NEO1: variants seen among roughly 807,000 people sequenced by gnomAD.
NEO1 encodes the protein neogenin 1.
A neutral mutation model predicts 159.7 loss-of-function variants in NEO1; 63 were observed. The observed-to-expected ratio is 0.39, with a 90% CI of 0.32 to 0.49. The LOEUF (loss-of-function observed/expected upper bound fraction) is 0.49, where lower values mean the gene tolerates loss of function less well. Among genes scored for constraint, NEO1 ranks in the 20% least tolerant of loss-of-function variants. The probability of loss-of-function intolerance (pLI) is 0.85; values close to 1 mark genes in which losing one functional copy is unlikely to be tolerated. For synonymous variants in NEO1, 633 were observed against 662.0 expected (o/e 0.96, Z 0.67); for missense variants, 1,615 against 1,831.0 (o/e 0.88, Z 2.15).
At chr15:73,175,472 G>T (rs2035228031) in intron 5 of NEO1, among the ~76,000 whole-genome samples, 1 of 152,184 alleles carries the variant, frequency 6.6e-6, no homozygotes, top group African/African-American at 2.4e-5. Context: ...GGGAAAAGAA[G>T]ACAATATTTT....
chr15:73,228,243 T>C (rs2038703087), intron 7 of NEO1, among the ~76,000 whole-genome samples: 1 of 152,166 alleles, frequency 6.6e-6, no homozygotes, highest in Non-Finnish European at 1.5e-5. Context: ...TAAAAACCTT[T>C]GTTTCTTAGA....
chr15:73,269,364 G>GT (rs1285217220), intron 16 of NEO1, among the ~76,000 whole-genome samples: 1 of 152,066 alleles, frequency 6.6e-6, no homozygotes, highest in African/African-American at 2.4e-5. Context: ...TGGTTTTGGG[G>GT]TTTTTTTGTT....
intron 5 of NEO1, among the ~76,000 whole-genome samples, chr15:73,138,207 C>G (rs1033316215): frequency 6.6e-6 from 1 of 152,016 alleles, no homozygotes; most frequent in African/African-American, 2.4e-5. Flanking sequence ...AGATCACCTA[C>G]AAAAGAAAAA....
chr15:73,202,550 G>C (rs191896700), intron 7 of NEO1, among the ~76,000 whole-genome samples: 1 of 151,982 alleles, frequency 6.6e-6, no homozygotes, highest in African/African-American at 2.4e-5. Context: ...TGATTCTTTC[G>C]TTCTAGCTAT....
chr15:73,122,887 T>C, intron 3 of NEO1, 87 bp downstream of exon 3: 1 of 1,518,292 alleles, frequency 6.6e-7, no homozygotes, highest in Non-Finnish European at 8.9e-7. Flanking sequence ...TAATGAATGT[T>C]GGCCGGGCGC....
chr15:73,122,606 C>G lies in NEO1; in HGVS notation c.530C>G (p.Ala177Gly), dbSNP rs751660677. ...GCAATTCTGAATTGTGAAGTTAATG[C>G]AGATTTGGTCCCATTTGTGAGGTGG... Reference protein sequence around the residue: ...NNAILNCEVNADLVPFVRWEQ... With the variant: ...NNAILNCEVNGDLVPFVRWEQ... Residue 177 changes from alanine to glycine, a missense_variant, in exon 3 of 29, where the codon GCA becomes GGA. Transcript: ENST00000261908. The G allele has an allele frequency of 2.5e-5, 40 of 1,614,018 alleles. No individual in the cohort carries two copies. Among genetic ancestry groups the G allele is most frequent in the Non-Finnish European group, 3.3e-5 (39 of 1,180,002 alleles).
At chr15:73,200,519 T>A (rs1596325927) in intron 7 of NEO1, among the ~76,000 whole-genome samples, 1 of 128,154 alleles carries the variant, frequency 7.8e-6, no homozygotes, top group Non-Finnish European at 1.6e-5. Context: ...GGAAAGGGAG[T>A]CTCTAGAGAG....
chr15:73,240,764 T>A (rs2039451290), intron 8 of NEO1, among the ~76,000 whole-genome samples: 1 of 152,162 alleles, frequency 6.6e-6, no homozygotes, highest in African/African-American at 2.4e-5. Flanking sequence ...TAGGACAAAT[T>A]TGGGAAATAT....
chr15:73,102,172 C>T (rs1595986064), intron 1 of NEO1, among the ~76,000 whole-genome samples: 1 of 152,082 alleles, frequency 6.6e-6, no homozygotes. Flanking sequence ...TCAAGACCAG[C>T]CTGGCCAATA....
At position 73,249,222 on chromosome 15, in the gene NEO1, C is replaced by G. The variant is rs1301762158; in HGVS notation, c.1755+14C>G. ...GATAAAGAACAGGTATGAAGTGAAG[C>G]AACTTTTCAAACCATTGATTGGAAT... On this transcript the variant is annotated intron_variant, in intron 10 of 28. Coordinates refer to ENST00000261908, the MANE Select transcript of NEO1 (RefSeq NM_002499.4). The G allele has an allele frequency of 1.2e-6, 2 of 1,612,526 alleles. No individual in the cohort carries two copies. Among genetic ancestry groups the G allele is most frequent in the Admixed American group, 3.3e-5 (2 of 59,888 alleles).
At chr15:73,245,992 A>G (rs2039775104) in intron 9 of NEO1, among the ~76,000 whole-genome samples, 2 of 152,150 alleles carry the variant, frequency 1.3e-5, no homozygotes, top group Admixed American at 6.5e-5. Flanking sequence ...TATTTTAGAT[A>G]TATTTGTAGA....
chr15:73,232,770 A>G (rs1464880255), intron 7 of NEO1, among the ~76,000 whole-genome samples: 2 of 152,000 alleles, frequency 1.3e-5, no homozygotes, highest in African/African-American at 4.8e-5. Flanking sequence ...GGCCCTTCCT[A>G]TTCACTTGCC....
intron 5 of NEO1, among the ~76,000 whole-genome samples, chr15:73,149,079 G>C (rs1474811763): frequency 6.6e-6 from 1 of 151,938 alleles, no homozygotes; most frequent in Non-Finnish European, 1.5e-5. Context: ...CACTTTGCAA[G>C]GCCGAGGCGA....
chr15:73,213,039 C>G (rs2152094669), intron 7 of NEO1, among the ~76,000 whole-genome samples: 1 of 152,202 alleles, frequency 6.6e-6, no homozygotes, highest in Admixed American at 6.5e-5. Flanking sequence ...AAAAGGGAAC[C>G]ATAATCTTTG....
chr15:73,211,262 T>C (rs578051673), intron 7 of NEO1, among the ~76,000 whole-genome samples: 2 of 152,312 alleles, frequency 1.3e-5, no homozygotes, highest in South Asian at 4.1e-4. Flanking sequence ...CCATGATCCC[T>C]AAGACTAAGG....
intron 5 of NEO1, among the ~76,000 whole-genome samples, chr15:73,150,900 GTGTT>G (rs2033315469): frequency 6.6e-6 from 1 of 152,138 alleles, no homozygotes; most frequent in African/African-American, 2.4e-5. Flanking sequence ...CATGTTGTCT[GTGTT>G]TGTTTGTTTA....
At position 73,227,579 on chromosome 15, in the gene NEO1, A is replaced by G. The variant is rs1391682560; in HGVS notation, c.1292-8768A>G. Among the ~76,000 whole-genome samples the G allele has an allele frequency of 2.0e-5, 3 of 152,060 alleles. No individual in the cohort carries two copies. The East Asian group carries it at 5.8e-4, about 29-fold the overall frequency. ...AACAATTCAATTTCTGCTACTTACA[A>G]CCCTGTGCAGGCCCTTAGGTTTCAG... On this transcript the variant is annotated intron_variant, in intron 7 of 28. Transcript: ENST00000261908.
rs779777834 is a variant in NEO1 at position 73,258,776 on chromosome 15, G to C, written c.2103G>C (p.Arg701=). 146 of 1,613,590 alleles carry C rather than the reference G, an allele frequency of 9.0e-5. No homozygotes were observed. The highest frequency in any genetic ancestry group is 4.5e-5 in the East Asian group (2 of 44,888). The change falls in exon 14 of 29, where the codon CGG becomes CGC. Residue 701 remains arginine, a synonymous_variant. Transcript: ENST00000261908. ...QLSQLIEGLD[R]GTEYNFRVAA... Reference sequence around the variant, plus strand: ...GTCATTTGGTCTCAGGTCTTGATCGGGGGACTGAGTATAATTTCCGAGTGG... The same window carrying C: ...GTCATTTGGTCTCAGGTCTTGATCGCGGGACTGAGTATAATTTCCGAGTGG...
chr15:73,115,080 C>G (rs967472693), intron 1 of NEO1, among the ~76,000 whole-genome samples: 1 of 151,830 alleles, frequency 6.6e-6, no homozygotes, highest in Non-Finnish European at 1.5e-5. Flanking sequence ...GAGTCTGGCT[C>G]TTGCCAGGCT....
Sources: gnomAD v4.1 joint callset for allele counts (sites outside exome capture counted in the v4.1 genomes callset) on GRCh38, gnomAD v4.1.1 for gene constraint, MANE v1.5 for transcripts, NCBI Gene and HGNC (gene_info 2026-07-23, HGNC 2026-07-21) for gene names.